KDM5A: variants seen among roughly 807,000 people sequenced by gnomAD.
KDM5A encodes lysine-specific demethylase 5A.
KDM5A carries 42 observed loss-of-function variants against 193.5 expected under a neutral mutation model. That is an observed-to-expected ratio of 0.22 (90% CI 0.17 to 0.28). The LOEUF is 0.28. Ranked by LOEUF, KDM5A falls within the 10% of genes least tolerant of loss-of-function variation. The probability of loss-of-function intolerance (pLI) is 1.00; values close to 1 mark genes in which losing one functional copy is unlikely to be tolerated. For missense variants in KDM5A, 1,692 were observed against 2,055.1 expected, an observed-to-expected ratio of 0.82 and a Z score of 3.42; for synonymous variants, 796 against 718.1, an observed-to-expected ratio of 1.11 and a Z score of -1.73.
At chr12:326,551 G>C (rs1463391358) in intron 14 of KDM5A, among the ~76,000 whole-genome samples, 3 of 152,212 alleles carry the variant, frequency 2.0e-5, no homozygotes, top group Non-Finnish European at 4.4e-5. Context: ...CATGGGGATA[G>C]AAGACACAGA....
chr12:295,618 C>T lies in KDM5A; in HGVS notation c.4410G>A (p.Gln1470=), dbSNP rs1168608287. ...DETQHIWRIL[Q]ATHPPSEDRF... ...TGTCTTCAGAGGGTGGGTGTGTGGC[C>T]TGCAAAATCCGCCATATGTGTTGAG... Residue 1470 remains glutamine, a synonymous_variant, in exon 26 of 28, where the codon CAG becomes CAA. Coordinates refer to ENST00000399788, the MANE Select transcript of KDM5A (RefSeq NM_001042603.3). The T allele has an allele frequency of 6.2e-7, 1 of 1,614,106 alleles. No individual in the cohort carries two copies. Among genetic ancestry groups the T allele is most frequent in the Admixed American group, 1.7e-5 (1 of 60,010 alleles).
At chr12:387,713 T>C (rs1322103169) in intron 1 of KDM5A, among the ~76,000 whole-genome samples, 2 of 152,200 alleles carry the variant, frequency 1.3e-5, no homozygotes, top group African/African-American at 4.8e-5. Flanking sequence ...TTATCCAGAT[T>C]AGCCTCATCT....
In KDM5A at chr12:307,377, G is replaced by T; in HGVS notation, c.3930+77C>A. The T allele has an allele frequency of 6.9e-7, 1 of 1,446,694 alleles. No homozygotes were observed. The allele number at this position is 1,446,694 out of a possible 1,614,324, so 89.6% of individuals were successfully genotyped here. Reference sequence around the variant, plus strand: ...TTACTGTTATTTTCCTAATCAATTGGTAAGACAGACTCAATTTACTATTTA... The same window carrying T: ...TTACTGTTATTTTCCTAATCAATTGTTAAGACAGACTCAATTTACTATTTA... On this transcript the variant is annotated intron_variant, in intron 23 of 27. Coordinates refer to ENST00000399788, the MANE Select transcript of KDM5A (RefSeq NM_001042603.3). The surrounding 1 kb of genome is among the most constrained non-coding windows in gnomAD (Gnocchi z 4.3).
At chr12:363,932 C>A (rs1419817122) in intron 4 of KDM5A, among the ~76,000 whole-genome samples, 1 of 151,986 alleles carries the variant, frequency 6.6e-6, no homozygotes, top group East Asian at 1.9e-4. Flanking sequence ...AAGATCTGAA[C>A]AGACACTTCA....
At chr12:334,125 T>C (rs1340165906) in intron 11 of KDM5A, 116 bp downstream of exon 11, 5 of 972,674 alleles carry the variant, frequency 5.1e-6, no homozygotes, top group Non-Finnish European at 7.8e-6. Flanking sequence ...AGGCTAGAAA[T>C]TATTGAAACC....
intron 3 of KDM5A, among the ~76,000 whole-genome samples, chr12:378,924 A>G (rs541056558): frequency 5.4e-4 from 80 of 147,638 alleles, no homozygotes; most frequent in Non-Finnish European, 1.1e-3. Context: ...GTGCTGCTGC[A>G]CTCCAGCCTG....
intron 3 of KDM5A, among the ~76,000 whole-genome samples, chr12:374,476 T>A (rs1036295751): frequency 3.9e-5 from 6 of 152,234 alleles, no homozygotes; most frequent in African/African-American, 1.4e-4. Flanking sequence ...TCTCTGCATG[T>A]GAGATGGGTC....
At position 281,146 on chromosome 12, in the gene KDM5A, T is replaced by G. The variant is rs534258917; in HGVS notation, c.*4310A>C. 1 of 232,996 alleles carries G rather than the reference T, an allele frequency of 4.3e-6. No homozygotes were observed. Among genetic ancestry groups the G allele is most frequent in the Non-Finnish European group, 8.5e-6 (1 of 117,964 alleles). 14.4% of individuals were successfully genotyped at this position (232,996 alleles called of 1,614,324 possible). On this transcript the variant is annotated 3_prime_UTR_variant, in exon 28 of 28. Transcript: ENST00000399788. ...TTTAGATGTAATGCAATTAACCATA[T>G]CTAATATTCTTTTAGAAAACACAAG...
chr12:368,072 A>C (rs1944379990), intron 3 of KDM5A, among the ~76,000 whole-genome samples: 1 of 152,238 alleles, frequency 6.6e-6, no homozygotes, highest in Non-Finnish European at 1.5e-5. Context: ...TAGTATAATA[A>C]AATACAATGG....
rs1348935430 is a variant in KDM5A at position 330,081 on chromosome 12, G to GTA, written c.1774-1053_1774-1052insTA. Reference sequence around the variant, plus strand: ...TGTGTGTGTGTGTGTGTGTGTGTGTGTGTGTATATATATATATCTTATGAT... The same window carrying GTA: ...TGTGTGTGTGTGTGTGTGTGTGTGTGTATGTGTATATATATATATCTTATGAT... On this transcript the variant is annotated intron_variant, in intron 13 of 27. Transcript: ENST00000399788. Among the ~76,000 whole-genome samples, 479 of 116,514 alleles carry GTA rather than the reference G, an allele frequency of 4.1e-3. 3 individuals carry two copies. Among genetic ancestry groups the GTA allele is most frequent in the African/African-American group, 0.017 (457 of 27,596 alleles). 76.4% of individuals were successfully genotyped at this position (116,514 alleles called of 152,430 possible). A position where few individuals can be genotyped will look rare whatever the true frequency, so the allele number is the denominator to read the frequency against.
Position 307,539 on chromosome 12 carries a change from C to T in KDM5A, c.3845G>A (p.Arg1282His), listed in dbSNP as rs781474100. 3.2e-5 allele frequency: 52 copies of T among 1,613,944 alleles called. No individual in the cohort carries two copies. The highest frequency in any genetic ancestry group is 3.9e-5 in the Non-Finnish European group (46 of 1,180,040). Residue 1282 changes from arginine to histidine, a missense_variant, in exon 23 of 28, where the codon CGT becomes CAT. Arg to His is a conservative substitution (Grantham distance 29, BLOSUM62 0). Coordinates refer to ENST00000399788, the MANE Select transcript of KDM5A (RefSeq NM_001042603.3). This position sits in a 1 kb window ranked among gnomAD's most constrained non-coding sequence, Gnocchi z 4.3. ...TTCTCGAGCCGCCTGTTCCACCATACGCTGGCTCAACACAGATAGTTTGGC... is the reference window on the plus strand; with the variant it reads ...TTCTCGAGCCGCCTGTTCCACCATATGCTGGCTCAACACAGATAGTTTGGC... ...ALAKLSVLSQRMVEQAAREKT... is the reference protein window; with the variant it reads ...ALAKLSVLSQHMVEQAAREKT...
chr12:350,893 G>T, intron 9 of KDM5A, 114 bp from the exon 10 acceptor site: 1 of 949,246 alleles, frequency 1.1e-6, no homozygotes, highest in Non-Finnish European at 1.6e-6. Flanking sequence ...AAAATCTTCT[G>T]ATTCCCTAGA....
intron 27 of KDM5A, among the ~76,000 whole-genome samples, chr12:289,834 C>G (rs1943267294): frequency 6.6e-6 from 1 of 151,182 alleles, no homozygotes; most frequent in South Asian, 2.1e-4. Flanking sequence ...CAAGTGAACC[C>G]TGGAAGTTAT....
intron 10 of KDM5A, among the ~76,000 whole-genome samples, chr12:341,836 G>A (rs1221238373): frequency 6.6e-6 from 1 of 151,516 alleles, no homozygotes; most frequent in African/African-American, 2.4e-5. Flanking sequence ...GGAGGTGGAG[G>A]CTGCAGTGAA....
chr12:356,400 A>C (rs1403366552), intron 6 of KDM5A, 32 bp downstream of exon 6: 1 of 1,250,050 alleles, frequency 8.0e-7, no homozygotes. Flanking sequence ...ATTCTACCTT[A>C]TCTCTTTTCA....
intron 10 of KDM5A, among the ~76,000 whole-genome samples, chr12:336,331 G>A: frequency 7.2e-6 from 1 of 139,382 alleles, no homozygotes. Context: ...ACTCCAGCCT[G>A]AAAGACAGAG....
chr12:358,764 T>C (rs1944256903), intron 5 of KDM5A, among the ~76,000 whole-genome samples: 1 of 151,816 alleles, frequency 6.6e-6, no homozygotes, highest in Non-Finnish European at 1.5e-5. Context: ...ACAAGGTCCG[T>C]AATTCAAGAC....
chr12:311,862 C>T (rs762666890), intron 20 of KDM5A, among the ~76,000 whole-genome samples: 10 of 152,118 alleles, frequency 6.6e-5, no homozygotes, highest in African/African-American at 2.2e-4. Flanking sequence ...GGTGAAACTC[C>T]GGCTCTACCA....
intron 19 of KDM5A, among the ~76,000 whole-genome samples, chr12:317,836 A>G (rs1943666689): frequency 6.6e-6 from 1 of 152,152 alleles, no homozygotes; most frequent in Non-Finnish European, 1.5e-5. Flanking sequence ...ACCCACTGCC[A>G]CTGACCTGCA....
Sources: allele counts gnomAD v4.1 joint callset (sites outside exome capture counted in the v4.1 genomes callset), GRCh38; gene constraint gnomAD v4.1.1; non-coding constraint Gnocchi (gnomAD v3.1); transcripts MANE v1.5; gene names NCBI Gene and HGNC (gene_info 2026-07-23, HGNC 2026-07-21).